The following METTL15 variants were observed in gnomAD, a reference collection of about 807,000 sequenced individuals.
The protein encoded by METTL15 is 12S rRNA N(4)-cytidine methyltransferase METTL15.
A neutral mutation model predicts 38.3 loss-of-function variants in METTL15; 34 were observed. That is an observed-to-expected ratio of 0.89 (90% CI 0.68 to 1.18). METTL15 has a LOEUF of 1.18. Among genes scored for constraint, METTL15 ranks in the 50% most tolerant of loss-of-function variants. The probability of loss-of-function intolerance (pLI) is 0.00; values close to 1 mark genes in which losing one functional copy is unlikely to be tolerated. For missense variants in METTL15, 438 were observed against 498.4 expected (o/e 0.88, Z 1.15); for synonymous variants, 162 against 170.9 (o/e 0.95, Z 0.41).
Position 28,524,231 on chromosome 11 carries a change from G to A in METTL15, c.*425-2247G>A, listed in dbSNP as rs182419169. Among the ~76,000 whole-genome samples the A allele has an allele frequency of 2.1e-3, 321 of 152,254 alleles. 2 individuals carry two copies. The highest frequency in any genetic ancestry group is 6.9e-3 in the African/African-American group (286 of 41,536). Reference sequence around the variant, plus strand: ...TGAAAATCACTTCAAGACCATGAACGATAATAGATGAAATCTAAAGAGGTT... The same window carrying A: ...TGAAAATCACTTCAAGACCATGAACAATAATAGATGAAATCTAAAGAGGTT... On this transcript the variant is annotated intron_variant and NMD_transcript_variant, in intron 6 of 7. Coordinates refer to the METTL15 transcript ENST00000532947.
In METTL15 at chr11:28,373,029, T is replaced by C. The variant is rs1265956689; in HGVS notation, c.*358+10993T>C. On this transcript the variant is annotated intron_variant and NMD_transcript_variant, in intron 5 of 7. Transcript: ENST00000532947. The stretch of plus-strand genomic sequence containing the variant: ...TAATCCAGTCTATCATTATTGGACA[T>C]TGGGGTTGGTTCCAAGTCTTTGCTA... Among the ~76,000 whole-genome samples, 6 of 152,138 alleles carry C rather than the reference T, an allele frequency of 3.9e-5. No individual in the cohort carries two copies. The South Asian group carries it at 6.2e-4, about 16-fold the overall frequency.
intron 3 of METTL15, among the ~76,000 whole-genome samples, chr11:28,149,972 A>AT (rs1850023472): frequency 6.6e-6 from 1 of 151,972 alleles, no homozygotes; most frequent in African/African-American, 2.4e-5. Flanking sequence ...TATTTGATAA[A>AT]TTTACACTCT....
intron 6 of METTL15, among the ~76,000 whole-genome samples, chr11:28,301,679 A>G (rs949714659): frequency 6.6e-6 from 1 of 152,148 alleles, no homozygotes; most frequent in African/African-American, 2.4e-5. Context: ...TAGATATATT[A>G]GGTCAAATAA....
chr11:28,217,135 A>G (rs1311461926), intron 4 of METTL15, among the ~76,000 whole-genome samples: 2 of 152,188 alleles, frequency 1.3e-5, no homozygotes, highest in Admixed American at 6.5e-5. Context: ...AGGAATCGCC[A>G]CACTGACTTC....
intron 5 of METTL15, among the ~76,000 whole-genome samples, chr11:28,391,212 AC>A (rs2133393900): frequency 6.6e-6 from 1 of 152,024 alleles, no homozygotes; most frequent in East Asian, 1.9e-4. Flanking sequence ...CTAATTGAAT[AC>A]CCTTTATTTC....
chr11:28,375,372 A>G (rs1850296773), intron 5 of METTL15, among the ~76,000 whole-genome samples: 1 of 151,818 alleles, frequency 6.6e-6, no homozygotes, highest in African/African-American at 2.4e-5. Context: ...CAGAGATTCA[A>G]CTTCTTCCTG....
intron 6 of METTL15, among the ~76,000 whole-genome samples, chr11:28,497,293 G>A (rs925491902): frequency 6.6e-6 from 1 of 152,168 alleles, no homozygotes; most frequent in Non-Finnish European, 1.5e-5. Flanking sequence ...TAAATCTAAT[G>A]ACGTGGTGCC....
chr11:28,197,932 T>G (rs1049728090), intron 3 of METTL15, among the ~76,000 whole-genome samples: 1 of 152,112 alleles, frequency 6.6e-6, no homozygotes, highest in Non-Finnish European at 1.5e-5. Context: ...CAAAAAAGAT[T>G]TTTTTGAAAA....
intron 5 of METTL15, among the ~76,000 whole-genome samples, chr11:28,375,067 C>T (rs1850292201): frequency 1.3e-5 from 2 of 150,054 alleles, no homozygotes; most frequent in Non-Finnish European, 3.0e-5. Flanking sequence ...ATTCGTTTTG[C>T]CAGTAGTTTA....
rs1227124542 is a variant in METTL15 at position 28,448,117 on chromosome 11, C to G, written c.*424+23753C>G. Among the ~76,000 whole-genome samples, 3 of 152,118 alleles carry G rather than the reference C, an allele frequency of 2.0e-5. No individual in the cohort carries two copies. In the East Asian group the frequency reaches 5.8e-4, roughly 29 times the overall value. On this transcript the variant is annotated intron_variant and NMD_transcript_variant, in intron 6 of 7. Transcript: ENST00000532947. ...TCTCTTTTCTCATCCTTCTCACTTTCATCACAGAGTAGGGTTTCTGCATGG... is the reference window on the plus strand; with the variant it reads ...TCTCTTTTCTCATCCTTCTCACTTTGATCACAGAGTAGGGTTTCTGCATGG...
chr11:28,426,121 C>T (rs1171768345), intron 6 of METTL15, among the ~76,000 whole-genome samples: 1 of 152,052 alleles, frequency 6.6e-6, no homozygotes, highest in East Asian at 1.9e-4. Context: ...TGACAGGCCT[C>T]CAGTGTGTGT....
At chr11:28,168,693 A>G (rs900369240) in intron 3 of METTL15, among the ~76,000 whole-genome samples, 6 of 150,630 alleles carry the variant, frequency 4.0e-5, no homozygotes, top group Admixed American at 2.0e-4. Context: ...CACAAACTGT[A>G]GTACAAATAT....
rs201520207 is a variant in METTL15, at chr11:28,137,787, TA to T, written c.270+24184del. Among the ~76,000 whole-genome samples the T allele has an allele frequency of 4.7e-3, 707 of 151,760 alleles. 6 individuals are homozygous for T. Among genetic ancestry groups the T allele is most frequent in the African/African-American group, 0.016 (652 of 41,282 alleles). On this transcript the variant is annotated intron_variant, in intron 3 of 6. Transcript: ENST00000407364. ...TTGAACTAACAGGCATTACAGCTTT[TA>T]TTTTTTTTTTTTCAAAAAATATTGG...
rs1856557011 is a variant in METTL15, at chr11:28,292,483, A to G, written c.599+2086A>G. ...TTGTTGGACATTTGGGTCAGTTCCA[A>G]GTCTTTGCTATTGTGAATAGTGCCT... On this transcript the variant is annotated intron_variant, in intron 5 of 6. Coordinates refer to ENST00000407364, the MANE Select transcript of METTL15 (RefSeq NM_001113528.2). Among the ~76,000 whole-genome samples the G allele has an allele frequency of 2.0e-5, 3 of 152,004 alleles. No individual in the cohort carries two copies. The South Asian group carries it at 6.2e-4, about 32-fold the overall frequency.
downstream of METTL15, among the ~76,000 whole-genome samples, chr11:28,336,269 G>A (rs942774810): frequency 6.6e-6 from 1 of 152,112 alleles, no homozygotes; most frequent in African/African-American, 2.4e-5. Flanking sequence ...AAGAGGAGCC[G>A]GCTGCTGAAG....
intron 6 of METTL15, among the ~76,000 whole-genome samples, chr11:28,300,921 T>A (rs755663431): frequency 6.6e-6 from 1 of 152,136 alleles, no homozygotes; most frequent in Admixed American, 6.5e-5. Flanking sequence ...TCACCTCTAA[T>A]AAATGGTCAT....
At chr11:28,248,754 T>C (rs1004797808) in intron 4 of METTL15, among the ~76,000 whole-genome samples, 3 of 152,072 alleles carry the variant, frequency 2.0e-5, no homozygotes, top group Admixed American at 1.3e-4. Context: ...CAATTTATTT[T>C]AGTTAATCTT....
At chr11:28,460,243 G>A (rs79593998) in intron 6 of METTL15, among the ~76,000 whole-genome samples, 18 of 152,044 alleles carry the variant, frequency 1.2e-4, no homozygotes, top group South Asian at 2.1e-4. Flanking sequence ...AATTGGCACC[G>A]TCTTACTTGT....
intron 6 of METTL15, among the ~76,000 whole-genome samples, chr11:28,471,072 A>G (rs1590385848): frequency 6.6e-6 from 1 of 152,100 alleles, no homozygotes; most frequent in Non-Finnish European, 1.5e-5. Context: ...TGTTACAGAC[A>G]TCACCTGGGG....
Sources: allele counts gnomAD v4.1 joint callset (sites outside exome capture counted in the v4.1 genomes callset), GRCh38; gene constraint gnomAD v4.1.1; transcripts MANE v1.5; gene names NCBI Gene and HGNC (gene_info 2026-07-23, HGNC 2026-07-21).